The following SLC25A21 variants were observed in gnomAD, a reference collection of about 807,000 sequenced individuals.
The protein encoded by SLC25A21 is mitochondrial 2-oxodicarboxylate carrier.
Under a neutral mutation model 43.8 loss-of-function variants are expected in SLC25A21, and 47 were observed. The observed-to-expected ratio is 1.07, with a 90% CI of 0.85 to 1.37. The LOEUF is 1.37. Ranked by LOEUF, SLC25A21 falls within the 40% of genes most tolerant of loss-of-function variation. The pLI, the probability that SLC25A21 is intolerant of heterozygous loss-of-function variation, is 0.00. For synonymous variants in SLC25A21, 131 were observed against 121.3 expected (o/e 1.08, Z -0.52); for missense variants, 352 against 350.2 (o/e 1.00, Z -0.04).
intron 1 of SLC25A21, among the ~76,000 whole-genome samples, chr14:37,082,361 A>G (rs1351640276): frequency 2.0e-5 from 3 of 152,216 alleles, no homozygotes; most frequent in Non-Finnish European, 4.4e-5. Context: ...ACAAATCTGC[A>G]TCTCTAAACA....
chr14:36,753,296 T>C (rs1005942089), intron 3 of SLC25A21, among the ~76,000 whole-genome samples: 1 of 151,350 alleles, frequency 6.6e-6, no homozygotes, highest in Non-Finnish European at 1.5e-5. Context: ...AACAGGAGAG[T>C]AACTGGTTGC....
At chr14:36,823,424 C>T (rs712347) in intron 2 of SLC25A21, among the ~76,000 whole-genome samples, 146,003 of 152,234 alleles carry the variant, frequency 0.96, 70,310 homozygotes, top group East Asian at 1. Context: ...TCTTTGAATA[C>T]ATATATGTAT....
chr14:36,863,623 AT>A (rs923148482), intron 2 of SLC25A21, among the ~76,000 whole-genome samples: 5 of 152,282 alleles, frequency 3.3e-5, no homozygotes, highest in Admixed American at 1.3e-4. Context: ...AACTGACTGC[AT>A]TTTTTTAAAA....
At chr14:37,049,931 G>C (rs747605229) in intron 1 of SLC25A21, among the ~76,000 whole-genome samples, 11 of 152,148 alleles carry the variant, frequency 7.2e-5, no homozygotes, top group South Asian at 4.1e-4. Context: ...GCCACATATA[G>C]CTAATGGCTA....
At chr14:36,995,866 A>G (rs17105895) in intron 1 of SLC25A21, among the ~76,000 whole-genome samples, 13,098 of 152,190 alleles carry the variant, frequency 0.086, 602 homozygotes, top group African/African-American at 0.12. Context: ...ACTGAAGAAC[A>G]ACAACATAAT....
intron 1 of SLC25A21, among the ~76,000 whole-genome samples, chr14:36,985,599 C>T (rs1960129141): frequency 1.3e-5 from 2 of 152,092 alleles, no homozygotes; most frequent in South Asian, 4.1e-4. Flanking sequence ...CGATTAGATT[C>T]AGACACTAAA....
At chr14:36,696,643 G>A (rs1329116226) in intron 7 of SLC25A21, among the ~76,000 whole-genome samples, 2 of 151,048 alleles carry the variant, frequency 1.3e-5, no homozygotes, top group African/African-American at 4.9e-5. Context: ...TTGGGAGGGT[G>A]TATGTGTCCA....
intron 4 of SLC25A21, among the ~76,000 whole-genome samples, chr14:36,733,057 T>C (rs987666260): frequency 7.2e-5 from 11 of 152,322 alleles, no homozygotes; most frequent in Middle Eastern, 3.4e-3. Flanking sequence ...CTGTAAAAGA[T>C]TGCTTAATGT....
At chr14:37,039,944 C>T (rs889116719) in intron 1 of SLC25A21, among the ~76,000 whole-genome samples, 4 of 151,916 alleles carry the variant, frequency 2.6e-5, no homozygotes, top group African/African-American at 7.3e-5. Context: ...CCTGTAATCC[C>T]AATACTTTGG....
At chr14:36,992,169 G>A (rs1379906248) in intron 1 of SLC25A21, among the ~76,000 whole-genome samples, 1 of 152,180 alleles carries the variant, frequency 6.6e-6, no homozygotes, top group African/African-American at 2.4e-5. Flanking sequence ...CTATCTGTGG[G>A]TGGACCCGTG....
intron 3 of SLC25A21, among the ~76,000 whole-genome samples, chr14:36,811,874 G>T (rs1888282045): frequency 6.6e-6 from 1 of 152,154 alleles, no homozygotes; most frequent in South Asian, 2.1e-4. Flanking sequence ...TGGGGTTAGA[G>T]AATTTTTTTT....
intron 1 of SLC25A21, among the ~76,000 whole-genome samples, chr14:37,060,934 T>C (rs1287866879): frequency 6.6e-6 from 1 of 152,186 alleles, no homozygotes; most frequent in Non-Finnish European, 1.5e-5. Flanking sequence ...GGGGACGTTC[T>C]GCCCAATAGA....
rs145728785 is a variant in SLC25A21, at chr14:37,010,713, T to G, written c.71-135709A>C. Among the ~76,000 whole-genome samples the G allele has an allele frequency of 3.8e-3, 585 of 152,316 alleles. 2 individuals carry two copies. The highest frequency in any genetic ancestry group is 0.013 in the African/African-American group (533 of 41,566). On this transcript the variant is annotated intron_variant, in intron 1 of 9. Transcript: ENST00000331299. ...TAAATGTATATTTAACAGTTTTGAA[T>G]GCATATAAATCCTAAATTCTTTCTT...
chr14:36,712,915 T>C (rs533205021), intron 6 of SLC25A21, among the ~76,000 whole-genome samples: 48 of 152,326 alleles, frequency 3.2e-4, no homozygotes, highest in African/African-American at 1.1e-3. Context: ...TAGGACAAGT[T>C]GAGCAGAAAC....
intron 3 of SLC25A21, among the ~76,000 whole-genome samples, chr14:36,770,014 C>T (rs1463538868): frequency 6.6e-6 from 1 of 152,146 alleles, no homozygotes; most frequent in African/African-American, 2.4e-5. Flanking sequence ...AGTAAGCCAT[C>T]TAGAATCCAT....
chr14:36,862,988 G>T (rs572685392), intron 2 of SLC25A21, among the ~76,000 whole-genome samples: 148 of 152,272 alleles, frequency 9.7e-4, no homozygotes, highest in African/African-American at 3.4e-3. Flanking sequence ...TAATGAAATT[G>T]CTGGAAATTT....
intron 1 of SLC25A21, among the ~76,000 whole-genome samples, chr14:36,920,157 C>G (rs183195264): frequency 6.6e-6 from 1 of 151,984 alleles, no homozygotes; most frequent in African/African-American, 2.4e-5. Flanking sequence ...CTATTTTTCA[C>G]TTACGGCAGT....
chr14:36,960,019 G>A (rs559086181), intron 1 of SLC25A21, among the ~76,000 whole-genome samples: 8 of 152,154 alleles, frequency 5.3e-5, no homozygotes, highest in African/African-American at 1.9e-4. Flanking sequence ...TTCTCTGTAG[G>A]ACTGTTCCCC....
At chr14:36,842,311 T>G (rs10483477) in intron 2 of SLC25A21, among the ~76,000 whole-genome samples, 15,680 of 152,208 alleles carry the variant, frequency 0.1, 1,958 homozygotes, top group African/African-American at 0.3. Context: ...CTTTGTAACT[T>G]GATGAGGTCC....
Sources: gnomAD v4.1 joint callset for allele counts (sites outside exome capture counted in the v4.1 genomes callset) on GRCh38, gnomAD v4.1.1 for gene constraint, MANE v1.5 for transcripts, NCBI Gene and HGNC (gene_info 2026-07-23, HGNC 2026-07-21) for gene names.